CAPRIN1: variants seen among roughly 807,000 people sequenced by gnomAD.
The protein encoded by CAPRIN1 is cell cycle associated protein 1, also known as caprin-1.
Under a neutral mutation model 100.9 loss-of-function variants are expected in CAPRIN1, and 29 were observed. That is an observed-to-expected ratio of 0.29 (90% CI 0.21 to 0.39). The LOEUF is 0.39. Ranked by LOEUF, CAPRIN1 falls within the 10% of genes least tolerant of loss-of-function variation. CAPRIN1 has a pLI of 1.00. For missense variants in CAPRIN1, 795 were observed against 876.7 expected, an observed-to-expected ratio of 0.91 and a Z score of 1.18; for synonymous variants, 338 against 307.5, an observed-to-expected ratio of 1.10 and a Z score of -1.04.
At chr11:34,062,014 A>G (rs1318803651) in intron 2 of CAPRIN1, among the ~76,000 whole-genome samples, 1 of 151,844 alleles carries the variant, frequency 6.6e-6, no homozygotes, top group Non-Finnish European at 1.5e-5. Context: ...ACTGTTTAAT[A>G]GTCTTTGTTT....
intron 7 of CAPRIN1, among the ~76,000 whole-genome samples, 176 bp downstream of exon 7, chr11:34,079,941 G>A (rs113346384): frequency 1.7e-5 from 1 of 58,538 alleles, no homozygotes; most frequent in African/African-American, 6.4e-5. Context: ...TTTTTTTTTT[G>A]GAGACAGAGT....
intron 2 of CAPRIN1, among the ~76,000 whole-genome samples, chr11:34,062,147 T>C (rs1048954209): frequency 6.6e-6 from 1 of 152,062 alleles, no homozygotes; most frequent in South Asian, 2.1e-4. Context: ...TTGAGGAAAC[T>C]TTTGCTTACT....
At chr11:34,060,698 A>G (rs995225039) in intron 2 of CAPRIN1, among the ~76,000 whole-genome samples, 1 of 152,224 alleles carries the variant, frequency 6.6e-6, no homozygotes, top group Admixed American at 6.5e-5. Context: ...TAGATGATCC[A>G]TGGCAGCTAT....
intron 2 of CAPRIN1, 173 bp downstream of exon 2, chr11:34,052,809 C>A: frequency 6.9e-7 from 1 of 1,452,220 alleles, no homozygotes; most frequent in Non-Finnish European, 9.1e-7. Flanking sequence ...GCTTCGTGCC[C>A]AGAAAACGGG....
intron 2 of CAPRIN1, chr11:34,053,138 A>G: frequency 1.0e-6 from 1 of 989,172 alleles, no homozygotes; most frequent in Non-Finnish European, 1.2e-6. Flanking sequence ...AGACCTGTCG[A>G]GCGTCCCCTC....
intron 2 of CAPRIN1, among the ~76,000 whole-genome samples, chr11:34,063,543 G>C (rs1315306570): frequency 6.6e-6 from 1 of 152,156 alleles, no homozygotes; most frequent in Non-Finnish European, 1.5e-5. Flanking sequence ...CACTTGTTGG[G>C]ATAATTATTT....
intron 11 of CAPRIN1, 98 bp downstream of exon 11, chr11:34,086,511 C>T: frequency 1.5e-6 from 1 of 678,756 alleles, no homozygotes; most frequent in Non-Finnish European, 2.5e-6. Flanking sequence ...ATTTTAATGA[C>T]TGTTTAATTT....
intron 4 of CAPRIN1, among the ~76,000 whole-genome samples, chr11:34,072,950 A>C (rs1850830952): frequency 6.6e-6 from 1 of 152,188 alleles, no homozygotes; most frequent in Non-Finnish European, 1.5e-5. Flanking sequence ...TGCTGTACAC[A>C]TTTGTAGTCT....
intron 12 of CAPRIN1, 146 bp downstream of exon 12, chr11:34,089,602 A>T (rs556350366): frequency 2.6e-6 from 1 of 384,408 alleles, no homozygotes; most frequent in Non-Finnish European, 4.7e-6. Flanking sequence ...CACCATCTCT[A>T]TTTTAAAAAA....
At chr11:34,053,111 C>T (rs558434202) in intron 2 of CAPRIN1, 19 of 1,000,606 alleles carry the variant, frequency 1.9e-5, no homozygotes, top group South Asian at 4.1e-5. Flanking sequence ...TCTGTCCGCT[C>T]GGTTACCATG....
intron 2 of CAPRIN1, among the ~76,000 whole-genome samples, chr11:34,066,266 A>T (rs1225035546): frequency 2.0e-5 from 3 of 152,188 alleles, no homozygotes; most frequent in Non-Finnish European, 4.4e-5. Flanking sequence ...CTAGGATTAC[A>T]GGTGTGAGCC....
At chr11:34,083,149 T>A (rs1851066407) in intron 9 of CAPRIN1, 108 bp downstream of exon 9, 2 of 744,776 alleles carry the variant, frequency 2.7e-6, no homozygotes, top group Non-Finnish European at 4.6e-6. Flanking sequence ...GTACATTTAT[T>A]ATAATAACAG....
chr11:34,069,307 G>C (rs962312495), intron 2 of CAPRIN1, among the ~76,000 whole-genome samples: 1 of 151,780 alleles, frequency 6.6e-6, no homozygotes, highest in African/African-American at 2.4e-5. Flanking sequence ...GCGCCACCAT[G>C]CCTGGCTAAT....
intron 6 of CAPRIN1, among the ~76,000 whole-genome samples, chr11:34,079,181 G>T (rs985155116): frequency 1.3e-5 from 2 of 152,194 alleles, no homozygotes; most frequent in African/African-American, 4.8e-5. Flanking sequence ...GCCAAGGTGG[G>T]CATATCGCCT....
At chr11:34,086,033 A>C in intron 9 of CAPRIN1, 31 bp from the exon 10 acceptor site, 2 of 1,605,440 alleles carry the variant, frequency 1.2e-6, no homozygotes, top group Non-Finnish European at 1.7e-6. Flanking sequence ...TTGCTCTCCT[A>C]TTCCTTCTAA....
rs1380599193 is a variant in CAPRIN1 at position 34,052,002 on chromosome 11, C to T, written c.-1+131C>T. Reference sequence around the variant, plus strand: ...TCCCCCCACCCCACCCCGGTCATTTCCCATGCCCTTCTCTGCCCCCAAGCC... The same window carrying T: ...TCCCCCCACCCCACCCCGGTCATTTTCCATGCCCTTCTCTGCCCCCAAGCC... On this transcript the variant is annotated intron_variant, in intron 1 of 18. Coordinates refer to ENST00000341394, the MANE Select transcript of CAPRIN1 (RefSeq NM_005898.5). 2.8e-4 allele frequency: 27 copies of T among 94,798 alleles called. No homozygotes were observed. The East Asian group carries it at 6.0e-3, about 21-fold the overall frequency. The allele number at this position is 94,798 out of a possible 1,614,324, so 5.9% of individuals were successfully genotyped here. A position where few individuals can be genotyped will look rare whatever the true frequency, so the allele number is the denominator to read the frequency against.
intron 9 of CAPRIN1, among the ~76,000 whole-genome samples, chr11:34,083,754 A>G (rs1851077884): frequency 2.0e-5 from 3 of 152,106 alleles, no homozygotes; most frequent in South Asian, 4.1e-4. Context: ...TTTCCTTTTA[A>G]TATGTTATTC....
chr11:34,053,174 T>A (rs1162220825), intron 2 of CAPRIN1: 1 of 986,552 alleles, frequency 1.0e-6, no homozygotes, highest in Non-Finnish European at 1.2e-6. Context: ...GAAGTGTGTT[T>A]AGAATCTTAA....
At chr11:34,053,236 A>T (rs1380597002) in intron 2 of CAPRIN1, 2 of 828,872 alleles carry the variant, frequency 2.4e-6, no homozygotes, top group African/African-American at 3.7e-5. Flanking sequence ...TCGATTTGCT[A>T]CCCCCGCGCC....
Sources: gnomAD v4.1 joint callset for allele counts (sites outside exome capture counted in the v4.1 genomes callset) on GRCh38, gnomAD v4.1.1 for gene constraint, MANE v1.5 for transcripts, NCBI Gene and HGNC (gene_info 2026-07-23, HGNC 2026-07-21) for gene names.